The following CACNA1E variants were observed in gnomAD, a reference collection of about 807,000 sequenced individuals.
CACNA1E encodes voltage-dependent R-type calcium channel subunit alpha-1E.
In CACNA1E, 40 loss-of-function variants were observed where a neutral mutation model predicts 259.2. The ratio of observed to expected loss-of-function variants is 0.15; its 90% CI spans 0.12 to 0.20. CACNA1E has a LOEUF of 0.20. CACNA1E is among the 10% of genes least tolerant of loss of function. The pLI, the probability that CACNA1E is intolerant of heterozygous loss-of-function variation, is 1.00. For synonymous variants in CACNA1E, 1,104 were observed against 1,138.5 expected (o/e 0.97, Z 0.61); for missense variants, 1,874 against 3,040.1 (o/e 0.62, Z 9.02).
At chr1:181,567,510 C>T (rs1344084679) in intron 3 of CACNA1E, among the ~76,000 whole-genome samples, 1 of 152,148 alleles carries the variant, frequency 6.6e-6, no homozygotes, top group Non-Finnish European at 1.5e-5. Context: ...CAATCAGAAA[C>T]AGGTCACTGC....
chr1:181,798,251 C>G lies in CACNA1E; in HGVS notation c.6400-41C>G. 1 of 1,511,834 alleles carries G rather than the reference C, an allele frequency of 6.6e-7. No individual in the cohort carries two copies. Among genetic ancestry groups the G allele is most frequent in the Middle Eastern group, 1.8e-4 (1 of 5,698 alleles). The allele number at this position is 1,511,834 out of a possible 1,614,324, so 93.7% of individuals were successfully genotyped here. On this transcript the variant is annotated intron_variant, in intron 47 of 47. Coordinates refer to ENST00000367573, the MANE Select transcript of CACNA1E (RefSeq NM_001205293.3). The surrounding 1 kb of genome is among the most constrained non-coding windows in gnomAD (Gnocchi z 4.2). ...AACAGAGTTGCAAGTAGGGATCATG[C>G]CAAGCCCAATCTAACATGCCATGTC...
chr1:181,797,803 A>G (rs1179199039), intron 47 of CACNA1E, among the ~76,000 whole-genome samples: 1 of 152,218 alleles, frequency 6.6e-6, no homozygotes, highest in Non-Finnish European at 1.5e-5. Context: ...TGAGTTCAGC[A>G]AACCACAGAA....
intron 2 of CACNA1E, among the ~76,000 whole-genome samples, chr1:181,433,372 C>T (rs1299680515): frequency 6.6e-6 from 1 of 152,236 alleles, no homozygotes; most frequent in Non-Finnish European, 1.5e-5. Context: ...CTTGCCTTAT[C>T]TCTGCCTGGT....
chr1:181,429,467 C>T (rs573295164), intron 2 of CACNA1E, among the ~76,000 whole-genome samples: 1 of 152,362 alleles, frequency 6.6e-6, no homozygotes, highest in South Asian at 2.1e-4. Context: ...CCACCAGCAT[C>T]TATGCGTAGC....
chr1:181,361,274 A>T (rs1284584706), intron 1 of CACNA1E, among the ~76,000 whole-genome samples: 5 of 152,152 alleles, frequency 3.3e-5, no homozygotes, highest in African/African-American at 7.2e-5. Context: ...AAGCAGACTC[A>T]ATGAGGGAAG....
chr1:181,663,128 C>T (rs770623090), intron 7 of CACNA1E, among the ~76,000 whole-genome samples: 16 of 152,176 alleles, frequency 1.1e-4, no homozygotes, highest in Non-Finnish European at 2.1e-4. Flanking sequence ...ATCTGTCACT[C>T]ATAGTAATAT....
intron 2 of CACNA1E, among the ~76,000 whole-genome samples, chr1:181,423,972 T>C (rs1276380415): frequency 1.3e-5 from 2 of 152,204 alleles, no homozygotes; most frequent in African/African-American, 2.4e-5. Flanking sequence ...CTTAGGGCTA[T>C]TAGAGGACTG....
In CACNA1E at chr1:181,805,901, G is replaced by A. The variant is rs1662591435; in HGVS notation, c.*7067G>A. ...GAACAAAAGCAAAGTGAGGTAGAAAGTAACAGGTCCCAGACGAGGACAGAC... is the reference window on the plus strand; with the variant it reads ...GAACAAAAGCAAAGTGAGGTAGAAAATAACAGGTCCCAGACGAGGACAGAC... On this transcript the variant is annotated 3_prime_UTR_variant, in exon 48 of 48. Transcript: ENST00000367573. 1 of 152,264 alleles carries A rather than the reference G, an allele frequency of 6.6e-6. No homozygotes were observed. The highest frequency in any genetic ancestry group is 2.1e-4 in the South Asian group (1 of 4,834). The allele number at this position is 152,264 out of a possible 1,614,324, so 9.4% of individuals were successfully genotyped here.
At chr1:181,476,424 G>A (rs1221882007) in intron 2 of CACNA1E, among the ~76,000 whole-genome samples, 1 of 152,156 alleles carries the variant, frequency 6.6e-6, no homozygotes, top group Non-Finnish European at 1.5e-5. Context: ...CAGGATTGGT[G>A]GGTGCAGTGG....
intron 8 of CACNA1E, among the ~76,000 whole-genome samples, chr1:181,713,501 C>T (rs144055285): frequency 1.2e-3 from 187 of 152,232 alleles, no homozygotes; most frequent in African/African-American, 3.8e-3. Context: ...AATGGCCATC[C>T]GGTGAGTACC....
At chr1:181,339,492 T>G (rs1057202221) in intron 1 of CACNA1E, among the ~76,000 whole-genome samples, 21 of 152,168 alleles carry the variant, frequency 1.4e-4, no homozygotes, top group African/African-American at 5.1e-4. Context: ...TTCCTTCCTT[T>G]TTAAGGCTAA....
chr1:181,544,248 G>A (rs1668815510), intron 3 of CACNA1E, among the ~76,000 whole-genome samples: 1 of 152,208 alleles, frequency 6.6e-6, no homozygotes, highest in Non-Finnish European at 1.5e-5. Context: ...AGTTCAGAAT[G>A]AGCAAATCCA....
In CACNA1E at chr1:181,783,478, T is replaced by TACA. The variant is rs139017405; in HGVS notation, c.5365-184_5365-182dup. Among the ~76,000 whole-genome samples, 12 of 151,728 alleles carry TACA rather than the reference T, an allele frequency of 7.9e-5. No individual in the cohort carries two copies. The South Asian group carries it at 8.4e-4, about 11-fold the overall frequency. On this transcript the variant is annotated intron_variant, in intron 39 of 47. Coordinates refer to ENST00000367573, the MANE Select transcript of CACNA1E (RefSeq NM_001205293.3). ...CTTGGTGGAGAAAAAACAAACAAAC[T>TACA]ACAACAACAACAACAACAAAACAGC...
chr1:181,717,203 C>G lies in CACNA1E; in HGVS notation c.1426C>G (p.Gln476Glu). ...CTCCATTCGCCACATGGTTAAATCC[C>G]AGGTGTTTTACTGGATTGTGCTGAG... ...RISIRHMVKS[Q>E]VFYWIVLSLV... The change falls in exon 11 of 48, where the codon CAG (glutamine) becomes GAG (glutamate). Residue 476 changes from glutamine to glutamate, a missense_variant. Transcript: ENST00000367573. 1 of 1,614,012 alleles carries G rather than the reference C, an allele frequency of 6.2e-7. No individual in the cohort carries two copies. Among genetic ancestry groups the G allele is most frequent in the Non-Finnish European group, 8.5e-7 (1 of 1,179,882 alleles).
At chr1:181,561,820 G>A (rs1479029013) in intron 3 of CACNA1E, among the ~76,000 whole-genome samples, 1 of 152,144 alleles carries the variant, frequency 6.6e-6, no homozygotes, top group Admixed American at 6.5e-5. Flanking sequence ...TCCAAAATGG[G>A]TGTATTATTT....
At chr1:181,719,983 AC>A (rs1383485242) in intron 13 of CACNA1E, 120 bp downstream of exon 13, 7 of 737,948 alleles carry the variant, frequency 9.5e-6, no homozygotes, top group African/African-American at 1.8e-5. Context: ...TCCCTGCCCC[AC>A]CCCTTTTCTA....
chr1:181,395,784 A>C (rs1319777966), intron 1 of CACNA1E, among the ~76,000 whole-genome samples: 1 of 152,160 alleles, frequency 6.6e-6, no homozygotes, highest in Non-Finnish European at 1.5e-5. Flanking sequence ...AAACCAGGAG[A>C]GTGTGATGTC....
intron 2 of CACNA1E, among the ~76,000 whole-genome samples, chr1:181,448,268 C>T (rs1161538147): frequency 6.6e-6 from 1 of 152,184 alleles, no homozygotes; most frequent in Non-Finnish European, 1.5e-5. Context: ...CTACTGTATG[C>T]CAAACCTCAT....
intron 3 of CACNA1E, among the ~76,000 whole-genome samples, chr1:181,575,185 A>G (rs1650847696): frequency 6.6e-6 from 1 of 152,166 alleles, no homozygotes. Context: ...GCCCTCCTGC[A>G]CTGGAGGACA....
Sources: allele counts gnomAD v4.1 joint callset (sites outside exome capture counted in the v4.1 genomes callset), GRCh38; gene constraint gnomAD v4.1.1; non-coding constraint Gnocchi (gnomAD v3.1); transcripts MANE v1.5; gene names NCBI Gene and HGNC (gene_info 2026-07-23, HGNC 2026-07-21).